TNFRSF8: variants seen among roughly 807,000 people sequenced by gnomAD.
TNFRSF8 encodes TNF receptor superfamily member 8, also known as tumor necrosis factor receptor superfamily member 8.
A neutral mutation model predicts 70.8 loss-of-function variants in TNFRSF8; 26 were observed. That is an observed-to-expected ratio of 0.37 (90% CI 0.27 to 0.51). The LOEUF (loss-of-function observed/expected upper bound fraction) is 0.51. TNFRSF8 is among the 20% of genes least tolerant of loss of function. TNFRSF8 has a pLI of 0.94. For synonymous variants in TNFRSF8, 356 were observed against 339.2 expected (o/e 1.05, Z -0.54); for missense variants, 720 against 807.9 (o/e 0.89, Z 1.32).
At chr1:12,071,844 C>T (rs976947449) in intron 1 of TNFRSF8, among the ~76,000 whole-genome samples, 4 of 152,108 alleles carry the variant, frequency 2.6e-5, no homozygotes, top group African/African-American at 7.2e-5. Flanking sequence ...ATTACAAGCA[C>T]GTGCCACCAT....
chr1:12,098,140 A>C (rs1641361685), intron 3 of TNFRSF8, among the ~76,000 whole-genome samples: 2 of 152,140 alleles, frequency 1.3e-5, no homozygotes, highest in South Asian at 2.1e-4. Context: ...ATACCTCTCC[A>C]TTCCTTGTAA....
chr1:12,073,370 C>T (rs1032395848), intron 1 of TNFRSF8, among the ~76,000 whole-genome samples: 6 of 152,252 alleles, frequency 3.9e-5, no homozygotes, highest in South Asian at 2.1e-4. Flanking sequence ...ATCAGAAAGT[C>T]GAATACTCCC....
chr1:12,104,075 G>C (rs1641472663), intron 3 of TNFRSF8, among the ~76,000 whole-genome samples: 1 of 152,158 alleles, frequency 6.6e-6, no homozygotes, highest in South Asian at 2.1e-4. Flanking sequence ...TGTCTCGATA[G>C]TTTCATCTTT....
rs60679086 is a variant in TNFRSF8 at position 12,113,599 on chromosome 1, G to GAT, written c.793+1586_793+1587insTA. On this transcript the variant is annotated intron_variant, in intron 7 of 14. Coordinates refer to ENST00000263932, the MANE Select transcript of TNFRSF8 (RefSeq NM_001243.5). The surrounding 1 kb of genome is among the most constrained non-coding windows in gnomAD (Gnocchi z 4.9). ...AAAGAGACAGAATGAGAGGGAGAGA[G>GAT]AGAGTGAGAGAGAGACAGAAAGAGG... Among the ~76,000 whole-genome samples, 1 of 151,392 alleles carries GAT rather than the reference G, an allele frequency of 6.6e-6. No homozygotes were observed. Among genetic ancestry groups the GAT allele is most frequent in the South Asian group, 2.1e-4 (1 of 4,792 alleles).
chr1:12,115,834 C>T (rs1641719847), intron 8 of TNFRSF8, 105 bp downstream of exon 8: 11 of 1,294,876 alleles, frequency 8.5e-6, no homozygotes, highest in South Asian at 1.4e-5. Flanking sequence ...TGACCTACAC[C>T]CTCGGCTGTT....
At chr1:12,075,241 C>CA (rs1242001829) in intron 1 of TNFRSF8, among the ~76,000 whole-genome samples, 3,219 of 134,364 alleles carry the variant, frequency 0.024, 118 homozygotes, top group African/African-American at 0.088. Flanking sequence ...GAGACTCTGC[C>CA]AAAAAAAAAA....
chr1:12,127,943 G>A (rs942224327), intron 12 of TNFRSF8, among the ~76,000 whole-genome samples: 7 of 152,182 alleles, frequency 4.6e-5, no homozygotes, highest in African/African-American at 1.7e-4. Flanking sequence ...ATCTCAGGTC[G>A]TTTTTGACCC....
At chr1:12,067,613 C>T (rs1278045431) in intron 1 of TNFRSF8, among the ~76,000 whole-genome samples, 1 of 151,898 alleles carries the variant, frequency 6.6e-6, no homozygotes, top group African/African-American at 2.4e-5. Flanking sequence ...CGCTTGAAAC[C>T]AGAAGGCGGA....
At chr1:12,089,401 T>C (rs1197327343) in intron 2 of TNFRSF8, among the ~76,000 whole-genome samples, 1 of 152,212 alleles carries the variant, frequency 6.6e-6, no homozygotes, top group Non-Finnish European at 1.5e-5. Flanking sequence ...CAAGCTTCCA[T>C]TGTCCCCCTG....
chr1:12,077,024 C>G (rs1351930215), intron 1 of TNFRSF8, among the ~76,000 whole-genome samples: 1 of 152,182 alleles, frequency 6.6e-6, no homozygotes, highest in African/African-American at 2.4e-5. Flanking sequence ...TGAAGAGATT[C>G]TCCCATCTCA....
Position 12,114,694 on chromosome 1 carries a change from CTTTTTTTTT to C in TNFRSF8, c.794-862_794-854del, listed in dbSNP as rs542462017. ...TTTTTGCTTTTGGAGGAAAAAAAAT[CTTTTTTTTT>C]TTTTTTTTTTTTTTTTTTTTAAATA... is the stretch of plus-strand genomic sequence containing the variant. On this transcript the variant is annotated intron_variant, in intron 7 of 14. Coordinates refer to ENST00000263932, the MANE Select transcript of TNFRSF8 (RefSeq NM_001243.5). Among the ~76,000 whole-genome samples, 200 of 77,058 alleles carry C rather than the reference CTTTTTTTTT, an allele frequency of 2.6e-3. 2 individuals are homozygous for C. Among genetic ancestry groups the C allele is most frequent in the South Asian group, 7.7e-3 (14 of 1,828 alleles). 50.6% of individuals were successfully genotyped at this position (77,058 alleles called of 152,430 possible).
At position 12,088,289 on chromosome 1, in the gene TNFRSF8, C is replaced by T. The variant is rs1177009347; in HGVS notation, c.151+3738C>T. On this transcript the variant is annotated intron_variant, in intron 2 of 14. Transcript: ENST00000263932. This position sits in a 1 kb window ranked among gnomAD's most constrained non-coding sequence, Gnocchi z 4.0. The stretch of plus-strand genomic sequence containing the variant: ...GACCACGATTCATACCGATGGAGCA[C>T]GCTATGTGCTGGCCACTGTGCTGGG... Among the ~76,000 whole-genome samples the T allele has an allele frequency of 3.3e-5, 5 of 151,752 alleles. No homozygotes were observed. Among genetic ancestry groups the T allele is most frequent in the East Asian group, 1.9e-4 (1 of 5,184 alleles).
intron 8 of TNFRSF8, 143 bp downstream of exon 8, chr1:12,115,872 T>C: frequency 1.2e-6 from 1 of 811,692 alleles, no homozygotes; most frequent in Non-Finnish European, 1.9e-6. Context: ...GTTCTGGTTA[T>C]CCTTTGAGTA....
intron 12 of TNFRSF8, among the ~76,000 whole-genome samples, chr1:12,131,674 T>C (rs1642050414): frequency 6.6e-6 from 1 of 150,934 alleles, no homozygotes. Context: ...TTCTATTTTT[T>C]GTAGAGACCA....
chr1:12,121,772 G>A (rs576790857), intron 8 of TNFRSF8, among the ~76,000 whole-genome samples: 5 of 152,172 alleles, frequency 3.3e-5, no homozygotes, highest in Non-Finnish European at 5.9e-5. Context: ...ACAGAGGCAC[G>A]CACAAGAATA....
chr1:12,098,924 A>G (rs1026259681), intron 3 of TNFRSF8, among the ~76,000 whole-genome samples: 21 of 152,220 alleles, frequency 1.4e-4, no homozygotes, highest in Non-Finnish European at 2.8e-4. Context: ...TAATGTTTAT[A>G]TTCTCATCTG....
rs138885282 is a variant in TNFRSF8 at position 12,121,934 on chromosome 1, A to G, written c.947-1350A>G. 1.9e-3 allele frequency among the ~76,000 whole-genome samples: 293 copies of G among 152,334 alleles called. 1 individual carries two copies. The highest frequency in any genetic ancestry group is 6.9e-3 in the African/African-American group (288 of 41,578). ...AAGCTGAATGAATATCAAAAACATT[A>G]TGCAGAGTGGAAGAAGCCAGACCCC... On this transcript the variant is annotated intron_variant, in intron 8 of 14. Transcript: ENST00000263932.
At chr1:12,123,879 G>T (rs1380004606) in intron 10 of TNFRSF8, 52 bp downstream of exon 10, 3 of 1,474,898 alleles carry the variant, frequency 2.0e-6, no homozygotes, top group South Asian at 1.2e-5. Flanking sequence ...TTCCTCCTGG[G>T]GAAGTGTGGA....
chr1:12,097,274 G>C (rs1307989818), intron 3 of TNFRSF8, 57 bp downstream of exon 3: 10 of 1,305,184 alleles, frequency 7.7e-6, no homozygotes, highest in Non-Finnish European at 1.1e-5. Context: ...GGGGTCCTCA[G>C]AGGAGAGGTG....
Sources: allele counts gnomAD v4.1 joint callset (sites outside exome capture counted in the v4.1 genomes callset), GRCh38; gene constraint gnomAD v4.1.1; non-coding constraint Gnocchi (gnomAD v3.1); transcripts MANE v1.5; gene names NCBI Gene and HGNC (gene_info 2026-07-23, HGNC 2026-07-21).